The following CDH13 variants were observed in gnomAD, a reference collection of about 807,000 sequenced individuals.
CDH13 encodes cadherin-13.
In CDH13, 24 loss-of-function variants were observed where a neutral mutation model predicts 63.8. The observed-to-expected ratio is 0.38, with a 90% CI of 0.27 to 0.53. The LOEUF (loss-of-function observed/expected upper bound fraction) is 0.53. Ranked by LOEUF, CDH13 falls within the 20% of genes least tolerant of loss-of-function variation. CDH13 has a pLI of 0.85. For synonymous variants in CDH13, 503 were observed against 355.3 expected (o/e 1.42, Z -4.67); for missense variants, 1,049 against 903.1 (o/e 1.16, Z -2.07).
chr16:83,388,524 C>A (rs2091723073), intron 6 of CDH13, among the ~76,000 whole-genome samples: 1 of 152,076 alleles, frequency 6.6e-6, no homozygotes, highest in African/African-American at 2.4e-5. Flanking sequence ...GAGGTGGCAC[C>A]ATGGGCAGGA....
intron 5 of CDH13, among the ~76,000 whole-genome samples, chr16:83,286,969 G>A (rs1349253077): frequency 6.6e-6 from 1 of 151,892 alleles, no homozygotes; most frequent in Non-Finnish European, 1.5e-5. Context: ...ATTATAACCT[G>A]TACCCCATAG....
At chr16:83,409,368 G>C (rs1336797338) in intron 6 of CDH13, among the ~76,000 whole-genome samples, 4 of 152,150 alleles carry the variant, frequency 2.6e-5, no homozygotes, top group African/African-American at 9.7e-5. Flanking sequence ...CTGTGCCTTT[G>C]GGGAAAGCCC....
intron 2 of CDH13, among the ~76,000 whole-genome samples, chr16:82,961,283 C>G (rs1029457462): frequency 3.4e-4 from 51 of 152,238 alleles, no homozygotes; most frequent in African/African-American, 1.2e-3. Context: ...TTACAGCCGC[C>G]CGTCATTTTC....
intron 3 of CDH13, among the ~76,000 whole-genome samples, chr16:83,068,712 C>T (rs933787194): frequency 6.6e-6 from 1 of 152,120 alleles, no homozygotes; most frequent in South Asian, 2.1e-4. Flanking sequence ...ATTCAGCAGG[C>T]AGTTGGCATA....
intron 8 of CDH13, among the ~76,000 whole-genome samples, chr16:83,615,862 C>T (rs1465534072): frequency 1.3e-5 from 2 of 152,134 alleles, no homozygotes; most frequent in Non-Finnish European, 2.9e-5. Context: ...AGGTTTGCTG[C>T]AAAACCGCCA....
At chr16:83,672,391 G>A (rs8046234) in intron 9 of CDH13, among the ~76,000 whole-genome samples, 10,542 of 140,618 alleles carry the variant, frequency 0.075, 643 homozygotes, top group African/African-American at 0.17. Context: ...GATAGAGTGA[G>A]GCAGCTCTCT....
At chr16:82,737,482 G>A (rs1410706378) in intron 1 of CDH13, among the ~76,000 whole-genome samples, 1 of 151,648 alleles carries the variant, frequency 6.6e-6, no homozygotes, top group African/African-American at 2.4e-5. Context: ...GCTCCTTAGT[G>A]TGGAAGAGAG....
At chr16:83,211,179 GATGAAATCTGAATAC>G (rs1168896738) in intron 4 of CDH13, among the ~76,000 whole-genome samples, 1 of 150,962 alleles carries the variant, frequency 6.6e-6, no homozygotes, top group African/African-American at 2.4e-5. Context: ...TAGAAAAACT[GATGAAATCTGAATAC>G]ATAAAATCTG....
chr16:83,334,523 C>T (rs920084006), intron 5 of CDH13, among the ~76,000 whole-genome samples: 4 of 129,486 alleles, frequency 3.1e-5, no homozygotes, highest in Admixed American at 8.8e-5. Flanking sequence ...AGGCATGCAC[C>T]GCCACTCCTG....
chr16:83,586,779 T>C (rs1214359447), intron 7 of CDH13, among the ~76,000 whole-genome samples: 1 of 152,176 alleles, frequency 6.6e-6, no homozygotes, highest in African/African-American at 2.4e-5. Context: ...GGGGGAGCCT[T>C]CCAGAATAAT....
chr16:83,690,503 G>A (rs1024173190), intron 10 of CDH13, among the ~76,000 whole-genome samples: 2 of 152,146 alleles, frequency 1.3e-5, no homozygotes, highest in Non-Finnish European at 2.9e-5. Flanking sequence ...GCAAGTTGGG[G>A]GATGGTGGGA....
Position 82,732,522 on chromosome 16 carries a change from T to C in CDH13, c.45+105385T>C, listed in dbSNP as rs77101598. On this transcript the variant is annotated intron_variant, in intron 1 of 13. Transcript: ENST00000567109. ...AGGACAAATCTATTTCTGAAGCTGTTGTAAATGATTTGAAACAGGAAGATG... is the reference window on the plus strand; with the variant it reads ...AGGACAAATCTATTTCTGAAGCTGTCGTAAATGATTTGAAACAGGAAGATG... Among the ~76,000 whole-genome samples, 736 of 152,316 alleles carry C rather than the reference T, an allele frequency of 4.8e-3. 3 individuals carry two copies. The highest frequency in any genetic ancestry group is 0.017 in the Middle Eastern group (5 of 294).
chr16:82,903,270 G>A (rs541399838), intron 2 of CDH13, among the ~76,000 whole-genome samples: 1 of 152,332 alleles, frequency 6.6e-6, no homozygotes, highest in South Asian at 2.1e-4. Flanking sequence ...GTTAGGTTGA[G>A]TTTGCATGGC....
At chr16:82,680,875 G>A (rs1914468006) in intron 1 of CDH13, among the ~76,000 whole-genome samples, 2 of 152,174 alleles carry the variant, frequency 1.3e-5, no homozygotes, top group African/African-American at 4.8e-5. Context: ...GCCATAAAGC[G>A]AGGGAGCTGG....
intron 7 of CDH13, among the ~76,000 whole-genome samples, chr16:83,594,685 A>G (rs1907089807): frequency 6.6e-6 from 1 of 152,170 alleles, no homozygotes; most frequent in Non-Finnish European, 1.5e-5. Context: ...TGTGTGGGTT[A>G]ATGGGAAAAC....
At chr16:83,011,027 C>T (rs1914099522) in intron 2 of CDH13, among the ~76,000 whole-genome samples, 1 of 152,166 alleles carries the variant, frequency 6.6e-6, no homozygotes, top group South Asian at 2.1e-4. Context: ...GGCTTACTCA[C>T]TGGCCAGAGT....
chr16:82,732,407 C>T (rs911880108), intron 1 of CDH13, among the ~76,000 whole-genome samples: 1 of 152,044 alleles, frequency 6.6e-6, no homozygotes, highest in Non-Finnish European at 1.5e-5. Flanking sequence ...GTTTTGAGGC[C>T]CCAGTAGTTG....
At chr16:83,196,903 C>T (rs560231397) in intron 4 of CDH13, among the ~76,000 whole-genome samples, 12 of 152,278 alleles carry the variant, frequency 7.9e-5, no homozygotes, top group Admixed American at 5.9e-4. Context: ...AAACTAGACA[C>T]GCACTTACCA....
chr16:82,819,325 G>C (rs1207805423), intron 1 of CDH13, among the ~76,000 whole-genome samples: 1 of 152,210 alleles, frequency 6.6e-6, no homozygotes, highest in Non-Finnish European at 1.5e-5. Context: ...TCAGCCACCA[G>C]CCAGGGACAG....
Sources: allele counts gnomAD v4.1 joint callset (sites outside exome capture counted in the v4.1 genomes callset), GRCh38; gene constraint gnomAD v4.1.1; transcripts MANE v1.5; gene names NCBI Gene and HGNC (gene_info 2026-07-23, HGNC 2026-07-21).